PAK1: variants seen among roughly 807,000 people sequenced by gnomAD.
PAK1 encodes serine/threonine-protein kinase PAK 1.
PAK1 carries 29 observed loss-of-function variants against 67.4 expected under a neutral mutation model. The ratio of observed to expected loss-of-function variants is 0.43; its 90% CI spans 0.32 to 0.59. The LOEUF is 0.59. Among genes scored for constraint, PAK1 ranks in the 20% least tolerant of loss-of-function variants. The pLI, the probability that PAK1 is intolerant of heterozygous loss-of-function variation, is 0.07. For synonymous variants in PAK1, 223 were observed against 237.4 expected, an observed-to-expected ratio of 0.94 and a Z score of 0.56; for missense variants, 337 against 670.7, an observed-to-expected ratio of 0.50 and a Z score of 5.50.
At chr11:77,370,049 T>C (rs1197730002) in intron 5 of PAK1, among the ~76,000 whole-genome samples, 1 of 152,170 alleles carries the variant, frequency 6.6e-6, no homozygotes, top group Non-Finnish European at 1.5e-5. Flanking sequence ...GAAACTTATG[T>C]AAGTCTGTTT....
intron 10 of PAK1, among the ~76,000 whole-genome samples, chr11:77,341,856 C>T (rs772996500): frequency 2.0e-5 from 3 of 152,142 alleles, no homozygotes; most frequent in Non-Finnish European, 4.4e-5. Flanking sequence ...ATTTTTTTGA[C>T]TACTAATCGA....
At chr11:77,423,874 G>C (rs1309540622) in intron 1 of PAK1, among the ~76,000 whole-genome samples, 1 of 152,184 alleles carries the variant, frequency 6.6e-6, no homozygotes, top group Non-Finnish European at 1.5e-5. Context: ...CCCACAGGCT[G>C]TAGTCTGATG....
intron 1 of PAK1, among the ~76,000 whole-genome samples, chr11:77,423,332 T>C (rs1328880577): frequency 1.5e-5 from 2 of 134,390 alleles, no homozygotes; most frequent in Non-Finnish European, 3.2e-5. Context: ...CCAAGTTCTT[T>C]AAAAAAAAAA....
intron 7 of PAK1, among the ~76,000 whole-genome samples, chr11:77,354,090 A>G (rs1945670740): frequency 6.6e-6 from 1 of 152,206 alleles, no homozygotes; most frequent in Non-Finnish European, 1.5e-5. Context: ...AAGGTGATAT[A>G]TGGACTGATT....
At chr11:77,453,861 G>A (rs886227289) in intron 1 of PAK1, among the ~76,000 whole-genome samples, 2 of 152,066 alleles carry the variant, frequency 1.3e-5, no homozygotes, top group Non-Finnish European at 2.9e-5. Context: ...CAGGAGGATT[G>A]CTTGAACTCA....
chr11:77,431,640 C>T (rs116533949), intron 1 of PAK1, among the ~76,000 whole-genome samples: 1 of 152,142 alleles, frequency 6.6e-6, no homozygotes, highest in Non-Finnish European at 1.5e-5. Flanking sequence ...ATCTTTCCCC[C>T]ACTCTGAACC....
intron 9 of PAK1, among the ~76,000 whole-genome samples, chr11:77,346,236 T>TGGGATTACCCCGTGTA (rs1164833692): frequency 1.3e-5 from 2 of 152,142 alleles, no homozygotes; most frequent in Non-Finnish European, 2.9e-5. Context: ...CCTCCCAAAG[T>TGGGATTACCCCGTGTA]GCTGGGATTA....
At chr11:77,349,208 A>T in intron 9 of PAK1, 31 bp downstream of exon 9, 1 of 1,522,952 alleles carries the variant, frequency 6.6e-7, no homozygotes, top group Non-Finnish European at 9.0e-7. Flanking sequence ...AAACAGAACT[A>T]AAGGAGCAAC....
intron 1 of PAK1, among the ~76,000 whole-genome samples, chr11:77,449,269 G>C (rs570619441): frequency 1.3e-5 from 2 of 152,256 alleles, no homozygotes; most frequent in East Asian, 1.9e-4. Flanking sequence ...AGCCCACACA[G>C]AAACAGCTTA....
At chr11:77,464,639 C>T (rs559807905) in intron 1 of PAK1, among the ~76,000 whole-genome samples, 3 of 152,290 alleles carry the variant, frequency 2.0e-5, no homozygotes, top group East Asian at 3.9e-4. Context: ...GATTAGGTTA[C>T]GACCTGATAA....
At chr11:77,441,306 T>G (rs966824116) in intron 1 of PAK1, among the ~76,000 whole-genome samples, 1 of 152,076 alleles carries the variant, frequency 6.6e-6, no homozygotes, top group South Asian at 2.1e-4. Flanking sequence ...AAAAGGAGGG[T>G]AATCCCATAC....
chr11:77,360,189 T>C (rs186648815), intron 5 of PAK1, among the ~76,000 whole-genome samples: 18 of 152,272 alleles, frequency 1.2e-4, no homozygotes, highest in Admixed American at 1.2e-3. Flanking sequence ...GACTGTCTTT[T>C]ACCACATTTG....
At position 77,338,765 on chromosome 11, in the gene PAK1, C is replaced by A. The variant is rs116551111; in HGVS notation, c.1117-1342G>T. On this transcript the variant is annotated intron_variant, in intron 11 of 14. Coordinates refer to ENST00000356341, the MANE Select transcript of PAK1 (RefSeq NM_002576.5). ...AAAAGGAATGAGGTACTGATACATG[C>A]TACAAAATGGATGAATCTTTGAAAC... Among the ~76,000 whole-genome samples the A allele has an allele frequency of 3.7e-3, 564 of 152,206 alleles. 6 individuals carry two copies. Among genetic ancestry groups the A allele is most frequent in the African/African-American group, 0.013 (525 of 41,520 alleles).
intron 1 of PAK1, among the ~76,000 whole-genome samples, chr11:77,452,752 C>T (rs2135410783): frequency 6.6e-6 from 1 of 152,250 alleles, no homozygotes; most frequent in Non-Finnish European, 1.5e-5. Flanking sequence ...AAGAAGAAGC[C>T]ATAAGCCACC....
At chr11:77,514,514 A>G in the PAK1 span, among the ~76,000 whole-genome samples, 92 of 152,312 alleles carry the variant, frequency 6.0e-4, no homozygotes, top group African/African-American at 2.1e-3. Flanking sequence ...AAATAAAGAC[A>G]GTCACCTGTG....
intron 1 of PAK1, among the ~76,000 whole-genome samples, chr11:77,433,311 A>G (rs986470203): frequency 6.6e-6 from 1 of 152,222 alleles, no homozygotes; most frequent in Non-Finnish European, 1.5e-5. Flanking sequence ...ACCAAAAGCA[A>G]ACAACAAAAG....
chr11:77,422,084 A>C (rs1210564291), intron 1 of PAK1, among the ~76,000 whole-genome samples: 1 of 152,180 alleles, frequency 6.6e-6, no homozygotes, highest in Non-Finnish European at 1.5e-5. Context: ...ACACTTATCC[A>C]ATTTACTGAA....
chr11:77,483,914 G>T, the PAK1 span, among the ~76,000 whole-genome samples: 1 of 152,060 alleles, frequency 6.6e-6, no homozygotes, highest in Non-Finnish European at 1.5e-5. Flanking sequence ...CCTATAGAAT[G>T]GCAGAGCTTT....
chr11:77,525,978 T>G, the PAK1 span, among the ~76,000 whole-genome samples: 4 of 152,210 alleles, frequency 2.6e-5, no homozygotes, highest in Non-Finnish European at 5.9e-5. Context: ...GGGACCTCTT[T>G]GGAGAGGAGG....
Sources: gnomAD v4.1 joint callset for allele counts (sites outside exome capture counted in the v4.1 genomes callset) on GRCh38, gnomAD v4.1.1 for gene constraint, MANE v1.5 for transcripts, NCBI Gene and HGNC (gene_info 2026-07-23, HGNC 2026-07-21) for gene names.